The following MCF2L2 variants were observed in gnomAD, a reference collection of about 807,000 sequenced individuals.
MCF2L2 encodes probable guanine nucleotide exchange factor MCF2L2.
MCF2L2 carries 102 observed loss-of-function variants against 150.2 expected under a neutral mutation model. The ratio of observed to expected loss-of-function variants is 0.68; its 90% CI spans 0.58 to 0.80. The LOEUF (loss-of-function observed/expected upper bound fraction) is 0.80. MCF2L2 is among the 30% of genes least tolerant of loss of function. The pLI is 0.00. For synonymous variants in MCF2L2, 465 were observed against 491.3 expected (o/e 0.95, Z 0.71); for missense variants, 1,256 against 1,372.8 (o/e 0.91, Z 1.34).
intron 3 of MCF2L2, chr3:183,372,347 A>C (rs949426392): frequency 2.0e-5 from 3 of 152,200 alleles, no homozygotes; most frequent in Non-Finnish European, 2.9e-5. Flanking sequence ...ATTTTAGGCC[A>C]CTTATCATAA....
intron 3 of MCF2L2, 77 bp from the exon 4 acceptor site, chr3:183,341,707 C>G: frequency 1.0e-6 from 1 of 967,690 alleles, no homozygotes; most frequent in Non-Finnish European, 1.7e-6. Context: ...CAGAATACAC[C>G]CTGAAGCCTC....
chr3:183,199,750 C>A (rs1259215500), intron 25 of MCF2L2, among the ~76,000 whole-genome samples: 2 of 150,888 alleles, frequency 1.3e-5, no homozygotes, highest in Non-Finnish European at 2.9e-5. Context: ...TTATGTATAT[C>A]CCCTAATGCT....
At position 183,311,727 on chromosome 3, in the gene MCF2L2, A is replaced by G. The variant is rs201611728; in HGVS notation, c.799T>C (p.Cys267Arg). Reference protein sequence around the residue: ...LGKQGTTLLSCIQEPATKCPN... With the variant: ...LGKQGTTLLSRIQEPATKCPN... ...CATTTGGTTGCTGGTTCTTGGATGC[A>G]TGACAGCAATGTGGTCCCCTGCTTT... The change falls in exon 8 of 30, where the codon TGC (cysteine) becomes CGC (arginine). Residue 267 changes from cysteine (C) to arginine (R), a missense_variant. Transcript: ENST00000328913. 2 of 1,613,990 alleles carry G rather than the reference A, an allele frequency of 1.2e-6. No homozygotes were observed. The highest frequency in any genetic ancestry group is 1.7e-5 in the Admixed American group (1 of 60,004).
chr3:183,415,945 T>C (rs902458290), intron 1 of MCF2L2, among the ~76,000 whole-genome samples: 1 of 152,196 alleles, frequency 6.6e-6, no homozygotes, highest in Non-Finnish European at 1.5e-5. Flanking sequence ...CTCATATTTT[T>C]TCATTTACTG....
intron 5 of MCF2L2, among the ~76,000 whole-genome samples, chr3:183,329,243 C>T (rs1371643555): frequency 6.6e-6 from 1 of 152,210 alleles, no homozygotes; most frequent in Non-Finnish European, 1.5e-5. Flanking sequence ...GTCGCCCAGG[C>T]TGGAGTGCAG....
chr3:183,262,769 C>T (rs890099713), intron 15 of MCF2L2, among the ~76,000 whole-genome samples: 4 of 151,820 alleles, frequency 2.6e-5, no homozygotes, highest in African/African-American at 4.8e-5. Context: ...GCTGAAGAGA[C>T]TGGGAAAGGG....
At chr3:183,393,393 A>C (rs1560055204) in intron 1 of MCF2L2, among the ~76,000 whole-genome samples, 2 of 151,826 alleles carry the variant, frequency 1.3e-5, no homozygotes, top group Non-Finnish European at 2.9e-5. Context: ...GGGTTTCTCC[A>C]TGTTGGTCAG....
In MCF2L2 at chr3:183,178,939, G is replaced by C. The variant is rs1419534409; in HGVS notation, c.*441C>G. On this transcript the variant is annotated 3_prime_UTR_variant, in exon 30 of 30. Coordinates refer to ENST00000328913, the MANE Select transcript of MCF2L2 (RefSeq NM_015078.4). ...CAACCGATTCCCACCCCGCCCTGGA[G>C]AAATGCGGGCGTGTCTGCAGGCATT... 1 of 154,650 alleles carries C rather than the reference G, an allele frequency of 6.5e-6. No individual in the cohort carries two copies. 9.6% of individuals were successfully genotyped at this position (154,650 alleles called of 1,614,324 possible). A position where few individuals can be genotyped will look rare whatever the true frequency, so the allele number is the denominator to read the frequency against.
chr3:183,262,281 C>T (rs1184476500), intron 15 of MCF2L2, among the ~76,000 whole-genome samples: 2 of 151,366 alleles, frequency 1.3e-5, no homozygotes, highest in Non-Finnish European at 2.9e-5. Context: ...CATACATATA[C>T]TAAGAATGCA....
chr3:183,348,630 A>G (rs1730993681), intron 3 of MCF2L2, among the ~76,000 whole-genome samples: 1 of 152,218 alleles, frequency 6.6e-6, no homozygotes, highest in African/African-American at 2.4e-5. Context: ...TACAAAAGAT[A>G]CACTTTTGTG....
Position 183,229,730 on chromosome 3 carries a change from C to T in MCF2L2, c.1981G>A (p.Val661Ile), listed in dbSNP as rs757040382. ...AGAAAGTCCTTGTTATTCTGAAGAA[C>T]ATCTGGAATTAGATGCTTTAGCCAA... ...FIWLKHLIPD[V>I]LQNNKDFLFG... Residue 661 changes from valine (V) to isoleucine (I), a missense_variant, in exon 17 of 30, where the codon GTT (valine) becomes ATT (isoleucine). Val to Ile is a conservative substitution (Grantham distance 29). Transcript: ENST00000328913. The T allele has an allele frequency of 6.2e-7, 1 of 1,605,916 alleles. No individual in the cohort carries two copies. Among genetic ancestry groups the T allele is most frequent in the Non-Finnish European group, 8.5e-7 (1 of 1,174,302 alleles).
In MCF2L2 at chr3:183,217,294, C is replaced by CAAAAA. The variant is rs35973262; in HGVS notation, c.2371-1205_2371-1201dup. On this transcript the variant is annotated intron_variant, in intron 21 of 29. Coordinates refer to ENST00000328913, the MANE Select transcript of MCF2L2 (RefSeq NM_015078.4). ...GGGTAACAAGAGTGAAACCCCGTCT[C>CAAAAA]AAAAAAAAAAAAAAAAAAAAAAAAA... Among the ~76,000 whole-genome samples the CAAAAA allele has an allele frequency of 4.0e-4, 6 of 15,180 alleles. 1 individual carries two copies. The highest frequency in any genetic ancestry group is 7.4e-4 in the African/African-American group (3 of 4,076). 10.0% of individuals were successfully genotyped at this position (15,180 alleles called of 152,430 possible). A position where few individuals can be genotyped will look rare whatever the true frequency, so the allele number is the denominator to read the frequency against.
At chr3:183,255,484 C>T (rs1230435140) in intron 15 of MCF2L2, among the ~76,000 whole-genome samples, 4 of 152,212 alleles carry the variant, frequency 2.6e-5, no homozygotes, top group Non-Finnish European at 5.9e-5. Flanking sequence ...CGCACACGCT[C>T]TGAGCATTGA....
At chr3:183,382,217 C>T (rs1713572969) in intron 2 of MCF2L2, among the ~76,000 whole-genome samples, 1 of 152,034 alleles carries the variant, frequency 6.6e-6, no homozygotes, top group Non-Finnish European at 1.5e-5. Flanking sequence ...TGCCACCACG[C>T]CCAGCTAATT....
chr3:183,398,017 TTGTTTA>T (rs1714556176), intron 1 of MCF2L2, among the ~76,000 whole-genome samples: 2 of 152,130 alleles, frequency 1.3e-5, no homozygotes, highest in Non-Finnish European at 2.9e-5. Context: ...GAACAGAATG[TTGTTTA>T]TGTTTATATG....
intron 15 of MCF2L2, among the ~76,000 whole-genome samples, chr3:183,262,611 A>G (rs1645899757): frequency 6.6e-6 from 1 of 151,924 alleles, no homozygotes; most frequent in South Asian, 2.1e-4. Context: ...GTGTTGGGGA[A>G]CTAGGGAGCC....
chr3:183,289,155 C>T lies in MCF2L2; in HGVS notation c.1741G>A (p.Gly581Arg), dbSNP rs1438643264. Residue 581 changes from glycine to arginine, a missense_variant, in exon 14 of 30, where the codon GGA becomes AGA. Coordinates refer to ENST00000328913, the MANE Select transcript of MCF2L2 (RefSeq NM_015078.4). ...AATTTAGTCTCATCATCTTCCTTTCCCCGGGAGTTCAACTCTGTCTCCGTA... is the reference window on the plus strand; with the variant it reads ...AATTTAGTCTCATCATCTTCCTTTCTCCGGGAGTTCAACTCTGTCTCCGTA... The part of the protein sequence containing the change: ...PYTETELNSR[G>R]KEDDETKFEV... 4 of 1,613,890 alleles carry T rather than the reference C, an allele frequency of 2.5e-6. No individual in the cohort carries two copies. The Admixed American group carries it at 5.0e-5, about 20-fold the overall frequency.
At chr3:183,391,762 G>A (rs564616244) in intron 1 of MCF2L2, among the ~76,000 whole-genome samples, 2 of 152,304 alleles carry the variant, frequency 1.3e-5, no homozygotes, top group African/African-American at 4.8e-5. Flanking sequence ...ACAACATAGA[G>A]AATTTCAGCA....
intron 1 of MCF2L2, among the ~76,000 whole-genome samples, chr3:183,391,656 T>A (rs542178179): frequency 6.6e-6 from 1 of 152,282 alleles, no homozygotes; most frequent in Non-Finnish European, 1.5e-5. Flanking sequence ...TGTGGATAAT[T>A]ATTGAAGCTG....
Sources: gnomAD v4.1 joint callset for allele counts (sites outside exome capture counted in the v4.1 genomes callset) on GRCh38, gnomAD v4.1.1 for gene constraint, MANE v1.5 for transcripts, NCBI Gene and HGNC (gene_info 2026-07-23, HGNC 2026-07-21) for gene names.